The following SUSD6 variants were observed in gnomAD, a reference collection of about 807,000 sequenced individuals.
The protein encoded by SUSD6 is sushi domain containing 6, also known as sushi domain-containing protein 6.
SUSD6 carries 16 observed loss-of-function variants against 28.4 expected under a neutral mutation model. That is an observed-to-expected ratio of 0.56 (90% confidence interval 0.38 to 0.86). SUSD6 has a LOEUF of 0.86. Ranked by LOEUF, SUSD6 falls within the 40% of genes least tolerant of loss-of-function variation. The probability of loss-of-function intolerance (pLI) is 0.00; values close to 1 mark genes in which losing one functional copy is unlikely to be tolerated. For synonymous variants in SUSD6, 147 were observed against 159.6 expected, an observed-to-expected ratio of 0.92 and a Z score of 0.59; for missense variants, 341 against 384.2, an observed-to-expected ratio of 0.89 and a Z score of 0.94.
At chr14:69,625,087 A>C (rs939652015) in intron 1 of SUSD6, among the ~76,000 whole-genome samples, 1 of 152,218 alleles carries the variant, frequency 6.6e-6, no homozygotes, top group Non-Finnish European at 1.5e-5. Flanking sequence ...GGAAGTATTA[A>C]TTAGTGGCTG....
At chr14:69,636,248 G>C (rs771062607) in intron 1 of SUSD6, among the ~76,000 whole-genome samples, 1 of 152,234 alleles carries the variant, frequency 6.6e-6, no homozygotes, top group African/African-American at 2.4e-5. Flanking sequence ...AGCAAGTACT[G>C]TTGCTGTTGA....
At chr14:69,660,801 T>A (rs1885650751) in intron 2 of SUSD6, among the ~76,000 whole-genome samples, 1 of 152,260 alleles carries the variant, frequency 6.6e-6, no homozygotes, top group South Asian at 2.1e-4. Flanking sequence ...AAAGTTTTAT[T>A]GGAACACAGC....
chr14:69,638,560 A>G (rs897827371), intron 1 of SUSD6, among the ~76,000 whole-genome samples: 40 of 152,194 alleles, frequency 2.6e-4, no homozygotes, highest in Non-Finnish European at 5.4e-4. Flanking sequence ...GAAGGGCAGC[A>G]TACCCTAACC....
intron 2 of SUSD6, among the ~76,000 whole-genome samples, chr14:69,675,171 G>A (rs182104553): frequency 9.2e-5 from 14 of 152,156 alleles, no homozygotes; most frequent in Middle Eastern, 3.4e-3. Flanking sequence ...GACTGTTGCC[G>A]TGCTTAAGTT....
chr14:69,687,406 C>T (rs1343799678), intron 2 of SUSD6, among the ~76,000 whole-genome samples: 1 of 152,322 alleles, frequency 6.6e-6, no homozygotes, highest in African/African-American at 2.4e-5. Context: ...CCACTGTGCC[C>T]GGCCTAGCTT....
At chr14:69,702,503 A>T (rs891486432) in intron 2 of SUSD6, among the ~76,000 whole-genome samples, 1 of 152,194 alleles carries the variant, frequency 6.6e-6, no homozygotes, top group Non-Finnish European at 1.5e-5. Context: ...ACTGCCTGCC[A>T]TCTCCCTAAC....
chr14:69,621,909 A>G (rs749068265), intron 1 of SUSD6, among the ~76,000 whole-genome samples: 3 of 152,306 alleles, frequency 2.0e-5, no homozygotes, highest in East Asian at 1.9e-4. Flanking sequence ...ATACGTGAGC[A>G]ATTGTAGAAT....
At chr14:69,662,918 G>A (rs758813765) in intron 2 of SUSD6, among the ~76,000 whole-genome samples, 3 of 152,210 alleles carry the variant, frequency 2.0e-5, no homozygotes, top group Non-Finnish European at 4.4e-5. Flanking sequence ...AGTGTGTGAT[G>A]TAATTCCCAA....
intron 1 of SUSD6, among the ~76,000 whole-genome samples, chr14:69,642,418 C>G (rs963311291): frequency 1.8e-4 from 27 of 152,108 alleles, no homozygotes; most frequent in South Asian, 2.1e-4. Context: ...AAGACATACT[C>G]AAGACTGGGA....
chr14:69,630,295 G>A (rs1321621108), intron 1 of SUSD6, among the ~76,000 whole-genome samples: 1 of 152,204 alleles, frequency 6.6e-6, no homozygotes, highest in African/African-American at 2.4e-5. Context: ...AGATCTTGTG[G>A]AAGTCAGGGA....
At chr14:69,630,004 T>G (rs1374375554) in intron 1 of SUSD6, among the ~76,000 whole-genome samples, 2 of 152,198 alleles carry the variant, frequency 1.3e-5, no homozygotes, top group African/African-American at 4.8e-5. Context: ...GAATTGAGAG[T>G]GCTTCTAAAG....
intron 2 of SUSD6, among the ~76,000 whole-genome samples, chr14:69,672,292 G>A (rs1476042887): frequency 6.6e-6 from 1 of 152,206 alleles, no homozygotes; most frequent in Non-Finnish European, 1.5e-5. Context: ...AAGGTGAGAA[G>A]AGAGAGGAGG....
intron 1 of SUSD6, among the ~76,000 whole-genome samples, chr14:69,623,824 A>C (rs1463812460): frequency 6.6e-6 from 1 of 152,246 alleles, no homozygotes; most frequent in Non-Finnish European, 1.5e-5. Context: ...AGATAAGGAT[A>C]TAAAGAAAGA....
At chr14:69,674,657 T>G (rs984510707) in intron 2 of SUSD6, among the ~76,000 whole-genome samples, 2 of 152,120 alleles carry the variant, frequency 1.3e-5, no homozygotes, top group Non-Finnish European at 2.9e-5. Flanking sequence ...TTCTTCAGAT[T>G]GAATTTGACC....
chr14:69,647,731 TC>T (rs1885448663), intron 1 of SUSD6, among the ~76,000 whole-genome samples: 1 of 151,550 alleles, frequency 6.6e-6, no homozygotes, highest in Admixed American at 6.6e-5. Flanking sequence ...ACGCCTGTAA[TC>T]CCAGCACTTC....
chr14:69,632,121 T>A (rs1162301843), intron 1 of SUSD6, among the ~76,000 whole-genome samples: 1 of 152,174 alleles, frequency 6.6e-6, no homozygotes, highest in African/African-American at 2.4e-5. Flanking sequence ...TTTTAAAAAG[T>A]TTTAAGACAT....
chr14:69,670,397 C>T, intron 2 of SUSD6: 5 of 450,426 alleles, frequency 1.1e-5, no homozygotes, highest in South Asian at 7.8e-5. Flanking sequence ...ATGCTATAAT[C>T]AGGAAAGTAC....
In SUSD6 at chr14:69,713,997, A is replaced by G. The variant is rs1445092159; in HGVS notation, c.*3018A>G. 2 of 152,022 alleles carry G rather than the reference A, an allele frequency of 1.3e-5. No individual in the cohort carries two copies. The highest frequency in any genetic ancestry group is 2.9e-5 in the Non-Finnish European group (2 of 67,964). The allele number at this position is 152,022 out of a possible 1,614,324, so 9.4% of individuals were successfully genotyped here. A position where few individuals can be genotyped will look rare whatever the true frequency, so the allele number is the denominator to read the frequency against. Reference sequence around the variant, plus strand: ...TGCCTTAGTTTAGCAGGTAGGCTCTATCTTTTGCCATTTCTGTATTTTATG... The same window carrying G: ...TGCCTTAGTTTAGCAGGTAGGCTCTGTCTTTTGCCATTTCTGTATTTTATG... On this transcript the variant is annotated 3_prime_UTR_variant, in exon 6 of 6. Transcript: ENST00000342745.
chr14:69,673,911 CTGGGTTCTT>C (rs1885870207), intron 2 of SUSD6, among the ~76,000 whole-genome samples: 1 of 152,152 alleles, frequency 6.6e-6, no homozygotes, highest in Non-Finnish European at 1.5e-5. Flanking sequence ...CTCTGATATT[CTGGGTTCTT>C]TAATGATTTA....
Sources: gnomAD v4.1 joint callset for allele counts (sites outside exome capture counted in the v4.1 genomes callset) on GRCh38, gnomAD v4.1.1 for gene constraint, MANE v1.5 for transcripts, NCBI Gene and HGNC (gene_info 2026-07-23, HGNC 2026-07-21) for gene names.